Variants in PTPRD observed in about 807,000 individuals in gnomAD.
PTPRD encodes the protein protein tyrosine phosphatase receptor type D.
PTPRD carries 34 observed loss-of-function variants against 214.5 expected under a neutral mutation model. The observed-to-expected ratio is 0.16, with a 90% CI of 0.12 to 0.21. The LOEUF is 0.21. Among genes scored for constraint, PTPRD ranks in the 10% least tolerant of loss-of-function variants. The pLI, the probability that PTPRD is intolerant of heterozygous loss-of-function variation, is 1.00. For missense variants in PTPRD, 2,545 were observed against 2,398.7 expected (o/e 1.06, Z -1.27); for synonymous variants, 1,128 against 845.7 (o/e 1.33, Z -5.79).
At chr9:8,705,604 C>A (rs928617812) in intron 12 of PTPRD, among the ~76,000 whole-genome samples, 1 of 152,126 alleles carries the variant, frequency 6.6e-6, no homozygotes, top group Non-Finnish European at 1.5e-5. Flanking sequence ...GCAAAGAAGA[C>A]ATAAAAGATA....
intron 33 of PTPRD, among the ~76,000 whole-genome samples, chr9:8,452,291 T>A (rs1809256107): frequency 6.6e-6 from 1 of 152,222 alleles, no homozygotes; most frequent in African/African-American, 2.4e-5. Context: ...CACATTCTTA[T>A]CACATTATTT....
At chr9:9,453,065 T>C (rs959598523) in intron 8 of PTPRD, among the ~76,000 whole-genome samples, 1 of 150,570 alleles carries the variant, frequency 6.6e-6, no homozygotes, top group African/African-American at 2.4e-5. Context: ...TTAATATCCA[T>C]AAGATGTGAC....
intron 2 of PTPRD, among the ~76,000 whole-genome samples, chr9:10,447,108 G>A (rs1477606069): frequency 6.6e-6 from 1 of 152,072 alleles, no homozygotes. Flanking sequence ...ATGTATCCTG[G>A]CAGGGCGATT....
At chr9:9,014,764 A>G (rs1051824149) in intron 11 of PTPRD, among the ~76,000 whole-genome samples, 2 of 152,162 alleles carry the variant, frequency 1.3e-5, no homozygotes, top group Non-Finnish European at 2.9e-5. Flanking sequence ...AAGTAAGATG[A>G]CTACTTAAAA....
chr9:9,612,227 A>G (rs2094550962), intron 7 of PTPRD, among the ~76,000 whole-genome samples: 1 of 152,094 alleles, frequency 6.6e-6, no homozygotes, highest in Admixed American at 6.6e-5. Context: ...AATAAAAAAA[A>G]CAGTACTGAA....
chr9:9,673,525 T>C (rs1191966681), intron 7 of PTPRD, among the ~76,000 whole-genome samples: 1 of 151,732 alleles, frequency 6.6e-6, no homozygotes, highest in African/African-American at 2.4e-5. Flanking sequence ...AACTGGGAAA[T>C]ATTTCTGAAG....
At chr9:9,486,852 A>T (rs1569568727) in intron 8 of PTPRD, among the ~76,000 whole-genome samples, 1 of 152,170 alleles carries the variant, frequency 6.6e-6, no homozygotes, top group East Asian at 1.9e-4. Flanking sequence ...TGTATTCAAA[A>T]TTTTACTCTC....
At chr9:9,981,139 A>G (rs1415985931) in intron 4 of PTPRD, among the ~76,000 whole-genome samples, 3 of 152,154 alleles carry the variant, frequency 2.0e-5, no homozygotes, top group African/African-American at 7.2e-5. Context: ...CAAACTAAAC[A>G]TCTAATACAA....
chr9:10,511,552 C>T (rs530986769), intron 2 of PTPRD, among the ~76,000 whole-genome samples: 10 of 146,900 alleles, frequency 6.8e-5, no homozygotes, highest in South Asian at 2.2e-4. Context: ...TACAGGTGTG[C>T]GCCACCACAC....
chr9:10,082,842 C>A (rs868615004), intron 3 of PTPRD, among the ~76,000 whole-genome samples: 62 of 117,684 alleles, frequency 5.3e-4, no homozygotes, highest in African/African-American at 2.0e-3. Context: ...CACACACAAA[C>A]ACACACACAC....
chr9:10,607,565 T>A (rs1031272935), intron 2 of PTPRD, among the ~76,000 whole-genome samples: 1 of 151,856 alleles, frequency 6.6e-6, no homozygotes, highest in Admixed American at 6.6e-5. Flanking sequence ...AAAATAAGTA[T>A]AGCATGATCT....
chr9:8,822,606 G>A (rs539735391), intron 11 of PTPRD, among the ~76,000 whole-genome samples: 103 of 152,230 alleles, frequency 6.8e-4, no homozygotes, highest in African/African-American at 2.3e-3. Context: ...TCAAACACAT[G>A]CTTACAAGTA....
Position 10,319,178 on chromosome 9 carries a change from G to A in PTPRD, c.-545+21785C>T, listed in dbSNP as rs149281006. Reference sequence around the variant, plus strand: ...ATGATGATTCAAAAGGATGGGCAGGGGACAGTGACTACCTTAGCTGTAATG... The same window carrying A: ...ATGATGATTCAAAAGGATGGGCAGGAGACAGTGACTACCTTAGCTGTAATG... On this transcript the variant is annotated intron_variant, in intron 3 of 45. Transcript: ENST00000381196. Among the ~76,000 whole-genome samples, 883 of 152,160 alleles carry A rather than the reference G, an allele frequency of 5.8e-3. 3 individuals are homozygous for A. The highest frequency in any genetic ancestry group is 0.017 in the Middle Eastern group (5 of 294).
At chr9:9,415,836 A>C (rs950067294) in intron 8 of PTPRD, among the ~76,000 whole-genome samples, 2 of 152,282 alleles carry the variant, frequency 1.3e-5, no homozygotes, top group African/African-American at 4.8e-5. Context: ...AAAAGCAGGA[A>C]AGATTGATTT....
chr9:8,817,997 CA>C (rs2096957090), intron 11 of PTPRD, among the ~76,000 whole-genome samples: 1 of 152,110 alleles, frequency 6.6e-6, no homozygotes, highest in Non-Finnish European at 1.5e-5. Flanking sequence ...CCTGAGCTTC[CA>C]AATTGCCTGT....
intron 11 of PTPRD, among the ~76,000 whole-genome samples, chr9:8,905,584 CA>C (rs2098702019): frequency 6.6e-6 from 1 of 151,816 alleles, no homozygotes; most frequent in Non-Finnish European, 1.5e-5. Context: ...ACTAAAAATA[CA>C]AAAATTAGTT....
At chr9:8,676,944 T>C (rs2097434129) in intron 12 of PTPRD, among the ~76,000 whole-genome samples, 1 of 152,140 alleles carries the variant, frequency 6.6e-6, no homozygotes, top group Non-Finnish European at 1.5e-5. Context: ...CCAAAATAAG[T>C]CTGTAAAAAA....
At chr9:8,333,110 G>A (rs1309704959) in intron 43 of PTPRD, among the ~76,000 whole-genome samples, 1 of 152,146 alleles carries the variant, frequency 6.6e-6, no homozygotes, top group Non-Finnish European at 1.5e-5. Context: ...GAGATAAACA[G>A]GAAGATGACA....
intron 9 of PTPRD, among the ~76,000 whole-genome samples, chr9:9,327,189 A>G (rs965678596): frequency 6.6e-6 from 1 of 152,222 alleles, no homozygotes; most frequent in Non-Finnish European, 1.5e-5. Flanking sequence ...TATATTGAGT[A>G]GAAGCAAAAA....
Sources: gnomAD v4.1 joint callset for allele counts (sites outside exome capture counted in the v4.1 genomes callset) on GRCh38, gnomAD v4.1.1 for gene constraint, MANE v1.5 for transcripts, NCBI Gene and HGNC (gene_info 2026-07-23, HGNC 2026-07-21) for gene names.